Variants in SPRED2 observed in about 807,000 individuals in gnomAD.
SPRED2 encodes the protein sprouty-related, EVH1 domain-containing protein 2.
A neutral mutation model predicts 43.0 loss-of-function variants in SPRED2; 47 were observed. The ratio of observed to expected loss-of-function variants is 1.09; its 90% CI spans 0.87 to 1.40. SPRED2 has a LOEUF of 1.40. SPRED2 is among the 40% of genes most tolerant of loss of function. The pLI is 0.00. For synonymous variants in SPRED2, 225 were observed against 225.7 expected (o/e 1.00, Z 0.03); for missense variants, 561 against 586.4 (o/e 0.96, Z 0.45).
intron 1 of SPRED2, among the ~76,000 whole-genome samples, chr2:65,387,327 G>A (rs1358554735): frequency 6.6e-6 from 1 of 152,148 alleles, no homozygotes; most frequent in African/African-American, 2.4e-5. Flanking sequence ...CTCTAGTGAT[G>A]CCCACCACAC....
At chr2:65,321,442 T>C (rs915022221) in intron 4 of SPRED2, among the ~76,000 whole-genome samples, 5 of 137,208 alleles carry the variant, frequency 3.6e-5, no homozygotes, top group African/African-American at 1.4e-4. Flanking sequence ...GAGGCTGAGG[T>C]AGGAGGATCG....
intron 1 of SPRED2, among the ~76,000 whole-genome samples, chr2:65,360,595 G>A (rs187032597): frequency 6.6e-5 from 10 of 152,154 alleles, no homozygotes; most frequent in Non-Finnish European, 7.3e-5. Context: ...GATTTGTTCC[G>A]CTTACACCAG....
chr2:65,345,100 T>TA (rs1479107530), intron 1 of SPRED2, among the ~76,000 whole-genome samples: 1 of 152,056 alleles, frequency 6.6e-6, no homozygotes, highest in Non-Finnish European at 1.5e-5. Context: ...AAGTACATTT[T>TA]AAAAAAGATA....
intron 1 of SPRED2, among the ~76,000 whole-genome samples, chr2:65,413,276 T>C (rs938830198): frequency 2.0e-5 from 3 of 152,200 alleles, no homozygotes; most frequent in African/African-American, 7.2e-5. Context: ...ATTTTTTCCA[T>C]GCCAACAGCC....
chr2:65,353,018 A>T (rs1344519446), intron 1 of SPRED2, among the ~76,000 whole-genome samples: 1 of 152,206 alleles, frequency 6.6e-6, no homozygotes, highest in African/African-American at 2.4e-5. Flanking sequence ...CCTTATACAA[A>T]ACACGGTACC....
chr2:65,366,843 T>C lies in SPRED2; in HGVS notation c.27-21947A>G, dbSNP rs1295815990. On this transcript the variant is annotated intron_variant, in intron 1 of 5. Transcript: ENST00000356388. ...GTGTCATTACTCACATTCAACATCC[T>C]GCTTCTCAAAAGTGGAAACTGGAAG... 5 of 1,193,986 alleles carry C rather than the reference T, an allele frequency of 4.2e-6. No individual in the cohort carries two copies. In the African/African-American group the frequency reaches 7.9e-5, roughly 19 times the overall value. The allele number at this position is 1,193,986 out of a possible 1,614,324, so 74.0% of individuals were successfully genotyped here.
chr2:65,314,074 G>C lies in SPRED2; in HGVS notation c.684C>G (p.Tyr228Ter). The C allele has an allele frequency of 6.2e-7, 1 of 1,613,984 alleles. No individual in the cohort carries two copies. The change falls in exon 6 of 6, where the codon TAC (tyrosine) becomes TAG (stop). Residue 228 changes from tyrosine to a stop codon, truncating the protein, a stop_gained. Coordinates refer to ENST00000356388, the MANE Select transcript of SPRED2 (RefSeq NM_181784.3). LOFTEE classifies it high-confidence loss of function. ...TGACGGGTGCGTGCCGGTAATCCTC[G>C]TACCCCGTCATCCAGATCTTCTCCC... is the stretch of plus-strand genomic sequence containing the variant. Reference protein sequence around the residue: ...NPREKIWMTGYEDYRHAPVRG... With the variant: ...NPREKIWMTG
In SPRED2 at chr2:65,312,636, C is replaced by T; in HGVS notation, c.*865G>A. On this transcript the variant is annotated 3_prime_UTR_variant, in exon 6 of 6. Coordinates refer to ENST00000356388, the MANE Select transcript of SPRED2 (RefSeq NM_181784.3). ...GCTAAATTTTTAGAAGTGGTGGCAA[C>T]ACAATTTAAAAAATGTTCTACTTTA... 3.0e-6 allele frequency: 3 copies of T among 985,830 alleles called. No homozygotes were observed. Among genetic ancestry groups the T allele is most frequent in the Non-Finnish European group, 3.6e-6 (3 of 829,918 alleles). 61.1% of individuals were successfully genotyped at this position (985,830 alleles called of 1,614,324 possible).
chr2:65,423,930 C>T (rs1007765590), intron 1 of SPRED2, among the ~76,000 whole-genome samples: 3 of 152,120 alleles, frequency 2.0e-5, no homozygotes, highest in Non-Finnish European at 4.4e-5. Context: ...GCTGGGATTA[C>T]AGGCATGTGC....
chr2:65,364,726 G>GT (rs914502336), intron 1 of SPRED2, among the ~76,000 whole-genome samples: 17 of 151,460 alleles, frequency 1.1e-4, no homozygotes, highest in East Asian at 3.9e-4. Flanking sequence ...TAAAATAAAT[G>GT]TTTTTTTTAT....
intron 1 of SPRED2, among the ~76,000 whole-genome samples, chr2:65,363,308 G>A (rs980296583): frequency 1.3e-5 from 2 of 150,868 alleles, no homozygotes; most frequent in Non-Finnish European, 2.9e-5. Flanking sequence ...GCCACATATA[G>A]CTCAAGACAA....
intron 1 of SPRED2, among the ~76,000 whole-genome samples, chr2:65,412,206 T>C (rs1676179217): frequency 6.6e-6 from 1 of 151,674 alleles, no homozygotes; most frequent in Non-Finnish European, 1.5e-5. Context: ...GAGGTGAATC[T>C]CAAACTGTGG....
At chr2:65,415,012 G>A (rs1352423533) in intron 1 of SPRED2, among the ~76,000 whole-genome samples, 1 of 152,112 alleles carries the variant, frequency 6.6e-6, no homozygotes, top group Admixed American at 6.5e-5. Flanking sequence ...TGCCCAGGCT[G>A]GTCTTGAATT....
intron 1 of SPRED2, among the ~76,000 whole-genome samples, chr2:65,414,756 AAGTTGATC>A (rs1676234960): frequency 1.3e-5 from 2 of 152,180 alleles, no homozygotes; most frequent in African/African-American, 2.4e-5. Flanking sequence ...AGTAATCTCA[AAGTTGATC>A]TTCTTTAAAT....
intron 1 of SPRED2, among the ~76,000 whole-genome samples, chr2:65,360,693 G>A (rs1030736664): frequency 6.6e-6 from 1 of 152,180 alleles, no homozygotes; most frequent in Non-Finnish European, 1.5e-5. Flanking sequence ...GGAGTGAGTT[G>A]TTTAATTGGG....
At chr2:65,356,425 T>A (rs1674647458) in intron 1 of SPRED2, among the ~76,000 whole-genome samples, 2 of 151,986 alleles carry the variant, frequency 1.3e-5, no homozygotes, top group South Asian at 4.1e-4. Context: ...AGTGTTATGG[T>A]TGATTTCTAA....
intron 1 of SPRED2, among the ~76,000 whole-genome samples, chr2:65,382,266 G>C (rs1033960723): frequency 2.6e-5 from 4 of 151,284 alleles, no homozygotes; most frequent in Non-Finnish European, 5.9e-5. Flanking sequence ...TTTAAAAAAA[G>C]ATTTCCAGGA....
chr2:65,355,724 GT>G (rs969507948), intron 1 of SPRED2, among the ~76,000 whole-genome samples: 3 of 152,234 alleles, frequency 2.0e-5, no homozygotes, highest in Non-Finnish European at 2.9e-5. Context: ...TGCTTTTATT[GT>G]CTGTCTGCTT....
intron 2 of SPRED2, among the ~76,000 whole-genome samples, chr2:65,338,472 GT>G (rs1332827611): frequency 6.6e-6 from 1 of 151,956 alleles, no homozygotes; most frequent in African/African-American, 2.4e-5. Flanking sequence ...TGGTTTTTGT[GT>G]TTTTTTGGTG....
Sources: gnomAD v4.1 joint callset for allele counts (sites outside exome capture counted in the v4.1 genomes callset) on GRCh38, gnomAD v4.1.1 for gene constraint, MANE v1.5 for transcripts, NCBI Gene and HGNC (gene_info 2026-07-23, HGNC 2026-07-21) for gene names.